The following GFI1B variants were observed in gnomAD, a reference collection of about 807,000 sequenced individuals.
GFI1B encodes the protein zinc finger protein Gfi-1b.
Under a neutral mutation model 35.3 loss-of-function variants are expected in GFI1B, and 20 were observed. The observed-to-expected ratio is 0.57, with a 90% confidence interval of 0.40 to 0.82. The LOEUF (loss-of-function observed/expected upper bound fraction) is 0.82. GFI1B is among the 40% of genes least tolerant of loss of function. The pLI is 0.00. For missense variants in GFI1B, 430 were observed against 446.3 expected, an observed-to-expected ratio of 0.96 and a Z score of 0.33; for synonymous variants, 178 against 177.6, an observed-to-expected ratio of 1.00 and a Z score of -0.02.
rs568303547 is a variant in GFI1B at position 132,979,111 on chromosome 9, CA to C, written c.-21+273del. Among the ~76,000 whole-genome samples, 104 of 152,310 alleles carry C rather than the reference CA, an allele frequency of 6.8e-4. 1 individual carries two copies. The highest frequency in any genetic ancestry group is 3.4e-3 in the Middle Eastern group (1 of 294). Reference sequence around the variant, plus strand: ...GGCTGACAGACGTCACCTTCGGGCACAAAGTCATACCCACAACCCAGCTGTC... The same window carrying C: ...GGCTGACAGACGTCACCTTCGGGCACAAGTCATACCCACAACCCAGCTGTC... On this transcript the variant is annotated intron_variant, in intron 1 of 6. Transcript: ENST00000372122.
chr9:132,977,758 T>C (rs6597590), upstream of GFI1B, among the ~76,000 whole-genome samples: 32,476 of 151,980 alleles, frequency 0.21, 4,185 homozygotes, highest in African/African-American at 0.36. Context: ...TTTACCGCCC[T>C]CACTCCCCCC....
At chr9:132,949,445 C>T (rs145188594) in intron 1 of GFI1B, among the ~76,000 whole-genome samples, 64 of 152,208 alleles carry the variant, frequency 4.2e-4, no homozygotes, top group African/African-American at 1.3e-3. Flanking sequence ...GAATTAGAAC[C>T]GAGAGACCCC....
chr9:132,969,361 C>T (rs1364778862), intron 1 of GFI1B, among the ~76,000 whole-genome samples: 1 of 152,200 alleles, frequency 6.6e-6, no homozygotes, highest in African/African-American at 2.4e-5. Context: ...CTCTAGGTAA[C>T]TCAGGTAAAT....
intron 1 of GFI1B, among the ~76,000 whole-genome samples, chr9:132,961,964 G>A (rs7860494): frequency 0.098 from 14,819 of 151,618 alleles, 782 homozygotes; most frequent in African/African-American, 0.14. Context: ...GGGAGTGGGA[G>A]GACAGGACTG....
At chr9:132,982,786 C>T (rs954179214) in intron 1 of GFI1B, among the ~76,000 whole-genome samples, 8 of 151,932 alleles carry the variant, frequency 5.3e-5, no homozygotes, top group Admixed American at 2.6e-4. Context: ...AGGGCTTGGC[C>T]GTGGCGTTGG....
At chr9:132,956,468 C>T (rs1470306865) in intron 1 of GFI1B, among the ~76,000 whole-genome samples, 1 of 152,104 alleles carries the variant, frequency 6.6e-6, no homozygotes, top group Admixed American at 6.6e-5. Context: ...TCAAAAAATC[C>T]CAGGAAATAT....
At chr9:132,977,772 A>T (rs1023223516), upstream of GFI1B, among the ~76,000 whole-genome samples, 12 of 152,134 alleles carry the variant, frequency 7.9e-5, no homozygotes, top group African/African-American at 2.9e-4. Context: ...TCCCCCCAGC[A>T]TCAATGGGAC....
chr9:132,987,504 G>T, intron 3 of GFI1B, 85 bp downstream of exon 3: 1 of 1,514,468 alleles, frequency 6.6e-7, no homozygotes, highest in Non-Finnish European at 9.1e-7. Context: ...GGCCCCTTGG[G>T]GCCCTGGAGT....
chr9:132,967,594 G>T (rs1564526733), intron 1 of GFI1B, among the ~76,000 whole-genome samples: 1 of 152,150 alleles, frequency 6.6e-6, no homozygotes, highest in Non-Finnish European at 1.5e-5. Flanking sequence ...CTGGATATTC[G>T]ACAACATTTG....
At chr9:132,957,633 G>T (rs761884727) in intron 1 of GFI1B, among the ~76,000 whole-genome samples, 1 of 152,086 alleles carries the variant, frequency 6.6e-6, no homozygotes, top group Non-Finnish European at 1.5e-5. Context: ...CGTTGTCATA[G>T]CATAAGTAAA....
chr9:132,973,354 C>G (rs1036040620), intron 2 of GFI1B, among the ~76,000 whole-genome samples: 1 of 152,246 alleles, frequency 6.6e-6, no homozygotes, highest in African/African-American at 2.4e-5. Flanking sequence ...GCCCGTGGCC[C>G]GGCCTCAGCA....
chr9:132,951,053 G>A (rs1848194169), intron 1 of GFI1B, among the ~76,000 whole-genome samples: 1 of 152,002 alleles, frequency 6.6e-6, no homozygotes, highest in Admixed American at 6.6e-5. Flanking sequence ...TGTTGCCCAG[G>A]CTGGTCTTGA....
At chr9:132,992,981 C>G (rs976392933), downstream of GFI1B, among the ~76,000 whole-genome samples, 3 of 147,732 alleles carry the variant, frequency 2.0e-5, no homozygotes. Context: ...CAACTGAGGC[C>G]CAGAGAGGTC....
chr9:132,965,415 C>T (rs985604595), intron 1 of GFI1B, among the ~76,000 whole-genome samples: 1 of 152,176 alleles, frequency 6.6e-6, no homozygotes, highest in Non-Finnish European at 1.5e-5. Context: ...TTTGAGGAAA[C>T]CGTAGTGGGT....
chr9:132,985,207 G>C (rs960858145), intron 1 of GFI1B, among the ~76,000 whole-genome samples: 2 of 152,208 alleles, frequency 1.3e-5, no homozygotes, highest in African/African-American at 2.4e-5. Context: ...GCTGAGTGCA[G>C]GGATGTGAAC....
At chr9:132,960,301 C>T (rs564543126) in intron 1 of GFI1B, among the ~76,000 whole-genome samples, 18 of 152,232 alleles carry the variant, frequency 1.2e-4, no homozygotes, top group African/African-American at 4.3e-4. Context: ...GGCTTGCTTG[C>T]TTTATAAATG....
At chr9:132,963,081 CAAAAAAAAAAA>C (rs763899545) in intron 1 of GFI1B, among the ~76,000 whole-genome samples, 1 of 47,990 alleles carries the variant, frequency 2.1e-5, no homozygotes, top group African/African-American at 7.7e-5. Context: ...GACTCCATCT[CAAAAAAAAAAA>C]AAAAAAAAAA....
rs542623053 is a variant in GFI1B, at chr9:132,983,300, G to A, written c.-20-3359G>A. Among the ~76,000 whole-genome samples, 12 of 149,804 alleles carry A rather than the reference G, an allele frequency of 8.0e-5. 2 individuals carry two copies. The highest frequency in any genetic ancestry group is 2.2e-4 in the African/African-American group (9 of 40,662). On this transcript the variant is annotated intron_variant, in intron 1 of 6. Transcript: ENST00000372122. ...CAACCTCCGCCTCCCGGGTTCAAGC[G>A]ATTCTCCTGCCTCAGCCTCCTGAGT...
In GFI1B at chr9:132,961,432, A is replaced by AC. The variant is rs576517689; in HGVS notation, c.-700-11293_-700-11292insC. Among the ~76,000 whole-genome samples, 415 of 151,818 alleles carry AC rather than the reference A, an allele frequency of 2.7e-3. 2 individuals are homozygous for AC. The highest frequency in any genetic ancestry group is 9.2e-3 in the African/African-American group (380 of 41,392). On this transcript the variant is annotated intron_variant, in intron 1 of 10. Coordinates refer to the GFI1B transcript ENST00000339463. ...AAGTCAATTATTTGACAAAAAAAAA[A>AC]AACAACAGAAAAAAGGCATAAATGG...
Sources: gnomAD v4.1 joint callset for allele counts (sites outside exome capture counted in the v4.1 genomes callset) on GRCh38, gnomAD v4.1.1 for gene constraint, MANE v1.5 for transcripts, NCBI Gene and HGNC (gene_info 2026-07-23, HGNC 2026-07-21) for gene names.